GPLD1: variants seen among roughly 807,000 people sequenced by gnomAD.
GPLD1 encodes the protein phosphatidylinositol-glycan-specific phospholipase D.
In GPLD1, 84 loss-of-function variants were observed where a neutral mutation model predicts 112.6. That is an observed-to-expected ratio of 0.75 (90% CI 0.63 to 0.89). The LOEUF is 0.89. Among genes scored for constraint, GPLD1 ranks in the 40% least tolerant of loss-of-function variants. The pLI, the probability that GPLD1 is intolerant of heterozygous loss-of-function variation, is 0.00. For synonymous variants in GPLD1, 386 were observed against 403.8 expected (o/e 0.96, Z 0.53); for missense variants, 1,044 against 1,051.5 (o/e 0.99, Z 0.10).
chr6:24,448,208 C>T lies in GPLD1; in HGVS notation c.1447G>A (p.Gly483Ser). Residue 483 changes from glycine (G) to serine (S), a missense_variant and splice_region_variant, in exon 16 of 25, where the codon GGT becomes AGT. Physicochemically the swap from Gly to Ser is moderately conservative, Grantham distance 56. Transcript: ENST00000230036. ...GAACCAAAGTAGACATACACGGCAC[C>T]CTAGATAAGGACAAACAGCAGATAG... ...SVGSEQLTYK[G>S]AVYVYFGSKQ... 6.3e-7 allele frequency: 1 copy of T among 1,597,696 alleles called. No individual in the cohort carries two copies. The highest frequency in any genetic ancestry group is 8.5e-7 in the Non-Finnish European group (1 of 1,170,296).
chr6:24,451,326 CTTTCTCTTTTT>C (rs1475485527), intron 14 of GPLD1, among the ~76,000 whole-genome samples: 1 of 134,046 alleles, frequency 7.5e-6, no homozygotes, highest in Non-Finnish European at 1.8e-5. Context: ...TTTTCCAATT[CTTTCTCTTTTT>C]TTTGTTTTTG....
intron 20 of GPLD1, among the ~76,000 whole-genome samples, chr6:24,444,057 T>C (rs1009710496): frequency 6.6e-6 from 1 of 152,178 alleles, no homozygotes; most frequent in Non-Finnish European, 1.5e-5. Flanking sequence ...TTTGATGATA[T>C]ATAACAAGAG....
chr6:24,454,058 A>G lies in GPLD1; in HGVS notation c.1292T>C (p.Leu431Pro). The G allele has an allele frequency of 6.2e-7, 1 of 1,613,306 alleles. No homozygotes were observed. The highest frequency in any genetic ancestry group is 1.7e-4 in the Middle Eastern group (1 of 6,058). The change falls in exon 14 of 25, where the codon CTG becomes CCG. Residue 431 changes from leucine (L) to proline (P), a missense_variant. Coordinates refer to ENST00000230036, the MANE Select transcript of GPLD1 (RefSeq NM_001503.4). ...GNDLGLPPVD[L>P]DLDKEAHRIL... ...CCTGTGGGCCTCCTTGTCCAGGTCC[A>G]GGTCAACAGGTGGCAGGCCCAGGTC...
chr6:24,433,450 C>T (rs1306101510), intron 22 of GPLD1, 61 bp from the exon 23 acceptor site: 2 of 889,744 alleles, frequency 2.2e-6, no homozygotes, highest in African/African-American at 1.8e-5. Flanking sequence ...TTTTTAAAAT[C>T]AATTTTAATT....
intron 24 of GPLD1, among the ~76,000 whole-genome samples, chr6:24,432,609 TAAAG>T (rs1302341041): frequency 4.6e-5 from 7 of 151,778 alleles, no homozygotes; most frequent in African/African-American, 7.3e-5. Context: ...TAAAAAATAA[TAAAG>T]AAAGAAAAAA....
intron 6 of GPLD1, 54 bp from the exon 7 acceptor site, chr6:24,472,690 G>T: frequency 1.1e-6 from 1 of 927,370 alleles, no homozygotes; most frequent in Non-Finnish European, 1.8e-6. Context: ...AACATAGCAT[G>T]CATCTATTCA....
rs978168751 is a variant in GPLD1, at chr6:24,437,169, C to T, written c.2141G>A (p.Arg714His). 6 of 1,614,148 alleles carry T rather than the reference C, an allele frequency of 3.7e-6. No homozygotes were observed. The highest frequency in any genetic ancestry group is 1.6e-4 in the Middle Eastern group (1 of 6,062). ...LLLSTFSGDR[R>H]FSRFGGVLHL... Reference sequence around the variant, plus strand: ...CAGAACGCCACCAAATCGGGAGAAGCGGCGGTCTCCGCTGAAGGTGCTGAG... The same window carrying T: ...CAGAACGCCACCAAATCGGGAGAAGTGGCGGTCTCCGCTGAAGGTGCTGAG... Residue 714 changes from arginine to histidine, a missense_variant, in exon 21 of 25, where the codon CGC (arginine) becomes CAC (histidine). Arg to His is a conservative substitution (Grantham distance 29). Transcript: ENST00000230036.
chr6:24,490,701 G>A (rs554140345), upstream of GPLD1, among the ~76,000 whole-genome samples: 24 of 151,472 alleles, frequency 1.6e-4, no homozygotes, highest in Non-Finnish European at 2.7e-4. Flanking sequence ...GCGGTGAGCC[G>A]AGATTGCACC....
intron 11 of GPLD1, among the ~76,000 whole-genome samples, chr6:24,461,404 T>G (rs184032890): frequency 3.2e-4 from 49 of 152,372 alleles, no homozygotes; most frequent in African/African-American, 1.2e-3. Flanking sequence ...ACACTTTCTG[T>G]GTAATTTTCA....
intron 24 of GPLD1, 130 bp downstream of exon 24, chr6:24,433,057 T>C: frequency 2.6e-6 from 2 of 763,040 alleles, no homozygotes; most frequent in Admixed American, 1.8e-5. Context: ...TATATGTGAA[T>C]GTTACTTTCT....
intron 7 of GPLD1, among the ~76,000 whole-genome samples, chr6:24,469,632 G>T (rs1408882993): frequency 8.7e-5 from 10 of 114,776 alleles, no homozygotes; most frequent in Non-Finnish European, 1.4e-4. Context: ...CTGTGGTGGG[G>T]TGGGGGGAGG....
intron 14 of GPLD1, among the ~76,000 whole-genome samples, chr6:24,450,785 A>G (rs533575047): frequency 6.6e-6 from 1 of 152,200 alleles, no homozygotes; most frequent in South Asian, 2.1e-4. Context: ...CAGCCTGGCC[A>G]ACATGGCCAA....
chr6:24,458,582 T>TA (rs1051187839), intron 12 of GPLD1, among the ~76,000 whole-genome samples: 4 of 152,082 alleles, frequency 2.6e-5, no homozygotes, highest in African/African-American at 4.8e-5. Context: ...AGCCTTTTGT[T>TA]AAAAAAATTG....
At chr6:24,447,725 C>T (rs544916252) in intron 17 of GPLD1, 152 bp downstream of exon 17, 2 of 748,032 alleles carry the variant, frequency 2.7e-6, no homozygotes, top group East Asian at 5.4e-5. Flanking sequence ...ATGCACATCA[C>T]TTGCCAACAC....
At chr6:24,483,729 C>T (rs113589629) in intron 2 of GPLD1, among the ~76,000 whole-genome samples, 13,336 of 151,512 alleles carry the variant, frequency 0.088, 1,485 homozygotes, top group African/African-American at 0.26. Flanking sequence ...CTTGCGGTGT[C>T]GGATTAGAAT....
At chr6:24,424,508 G>C (rs924523625), downstream of GPLD1, 1 of 152,180 alleles carries the variant, frequency 6.6e-6, no homozygotes, top group African/African-American at 2.4e-5. Flanking sequence ...CTCAGAAGCT[G>C]ACAGATGAGC....
intron 2 of GPLD1, 51 bp from the exon 3 acceptor site, chr6:24,480,010 G>A (rs1287091434): frequency 8.8e-7 from 1 of 1,131,036 alleles, no homozygotes; most frequent in East Asian, 2.3e-5. Flanking sequence ...AACAGCCTGG[G>A]GAGTATAGGC....
chr6:24,475,604 G>T (rs1763984814), intron 4 of GPLD1, among the ~76,000 whole-genome samples: 1 of 150,574 alleles, frequency 6.6e-6, no homozygotes, highest in Non-Finnish European at 1.5e-5. Flanking sequence ...CAGCACTTTG[G>T]GAGGCCTATG....
intron 15 of GPLD1, 121 bp from the exon 16 acceptor site, chr6:24,448,329 C>G: frequency 4.7e-6 from 2 of 429,760 alleles, no homozygotes; most frequent in South Asian, 2.6e-5. Flanking sequence ...TCTATAATCC[C>G]AGTGCTTTGG....
Sources: allele counts gnomAD v4.1 joint callset (sites outside exome capture counted in the v4.1 genomes callset), GRCh38; gene constraint gnomAD v4.1.1; transcripts MANE v1.5; gene names NCBI Gene and HGNC (gene_info 2026-07-23, HGNC 2026-07-21).